Variants in SYT10 observed in about 807,000 individuals in gnomAD.
The protein encoded by SYT10 is synaptotagmin 10.
A neutral mutation model predicts 51.1 loss-of-function variants in SYT10; 31 were observed. That is an observed-to-expected ratio of 0.61 (90% CI 0.46 to 0.82). The LOEUF (loss-of-function observed/expected upper bound fraction) is 0.82, where lower values mean the gene tolerates loss of function less well. Ranked by LOEUF, SYT10 falls within the 40% of genes least tolerant of loss-of-function variation. The probability of loss-of-function intolerance (pLI) is 0.00; values close to 1 mark genes in which losing one functional copy is unlikely to be tolerated. For synonymous variants in SYT10, 233 were observed against 225.9 expected (o/e 1.03, Z -0.28); for missense variants, 603 against 634.0 (o/e 0.95, Z 0.53).
chr12:33,385,340 A>G (rs1469873912), intron 3 of SYT10, 49 bp from the exon 4 acceptor site: 1 of 1,599,944 alleles, frequency 6.3e-7, no homozygotes, highest in East Asian at 2.3e-5. Context: ...GAAGGGTGAA[A>G]ACCAAAAATA....
Position 33,375,873 on chromosome 12 carries a change from G to T in SYT10, c.*957C>A, listed in dbSNP as rs1258707087. The T allele has an allele frequency of 2.0e-5, 3 of 152,478 alleles. No homozygotes were observed. The highest frequency in any genetic ancestry group is 7.2e-5 in the African/African-American group (3 of 41,412). The allele number at this position is 152,478 out of a possible 1,614,324, so 9.4% of individuals were successfully genotyped here. A position where few individuals can be genotyped will look rare whatever the true frequency, so the allele number is the denominator to read the frequency against. ...GGTGATGAACACAGACAGTGTTGTT[G>T]TTCCTTTGGTGTCTGTTAGTATGGT... On this transcript the variant is annotated 3_prime_UTR_variant, in exon 7 of 7. Transcript: ENST00000228567.
chr12:33,439,332 C>CAGCGGAGCGCGAGGACGCG, intron 1 of SYT10, 40 bp downstream of exon 1: 1 of 1,590,144 alleles, frequency 6.3e-7, no homozygotes, highest in Non-Finnish European at 8.5e-7. Flanking sequence ...CGCGGGGTCC[C>CAGCGGAGCGCGAGGACGCG]AGCGGAGCGC....
chr12:33,385,394 T>C, intron 3 of SYT10, 103 bp from the exon 4 acceptor site: 1 of 1,469,164 alleles, frequency 6.8e-7, no homozygotes, highest in Non-Finnish European at 9.1e-7. Flanking sequence ...AATTGTTTTA[T>C]TGAGGATAAT....
At position 33,426,403 on chromosome 12, in the gene SYT10, GC is replaced by G; in HGVS notation, c.243del (p.Trp81CysfsTer9). On this transcript the variant is annotated frameshift_variant, in exon 2 of 7. Coordinates refer to ENST00000228567, the MANE Select transcript of SYT10 (RefSeq NM_198992.4). LOFTEE classifies it high-confidence loss of function. ...GTCACAGGTTTGCTTTTCCAGCATG[GC>G]CAACACAGCTTCCAGAAGACAAAAA... is the stretch of plus-strand genomic sequence containing the variant. ...VSLFVFWKLC[W>X]PCWKSKPVTS... 2 of 1,614,000 alleles carry G rather than the reference GC, an allele frequency of 1.2e-6. No homozygotes were observed. The highest frequency in any genetic ancestry group is 1.7e-6 in the Non-Finnish European group (2 of 1,179,976).
chr12:33,420,056 G>A lies in SYT10; in HGVS notation c.509+6082C>T, dbSNP rs575150935. Among the ~76,000 whole-genome samples the A allele has an allele frequency of 2.0e-3, 302 of 152,248 alleles. 1 individual carries two copies. Among genetic ancestry groups the A allele is most frequent in the African/African-American group, 6.8e-3 (282 of 41,564 alleles). On this transcript the variant is annotated intron_variant, in intron 2 of 6. Coordinates refer to ENST00000228567, the MANE Select transcript of SYT10 (RefSeq NM_198992.4). ...GACTCTCATGAGCTTACCTCCTGGT[G>A]AGCTCAGCTAGGTTTTGGAGAAAAA... is the stretch of plus-strand genomic sequence containing the variant.
chr12:33,379,997 C>G, intron 5 of SYT10, 36 bp from the exon 6 acceptor site: 1 of 1,563,064 alleles, frequency 6.4e-7, no homozygotes, highest in Non-Finnish European at 8.7e-7. Flanking sequence ...TCATTTCCAA[C>G]ATTCAAAGAT....
Position 33,407,035 on chromosome 12 carries a change from T to C in SYT10, c.831A>G (p.Pro277=), listed in dbSNP as rs765148812. 2.5e-6 allele frequency: 4 copies of C among 1,614,182 alleles called. No homozygotes were observed. The South Asian group carries it at 3.3e-5, about 13-fold the overall frequency. Reference sequence around the variant, plus strand: ...GGGTCTGAAATTTCTTTTTCCTATCTGGAAGAAGATACATCTTCACATAAG... The same window carrying C: ...GGGTCTGAAATTTCTTTTTCCTATCCGGAAGAAGATACATCTTCACATAAG... ...SDPYVKMYLL[P]DRKKKFQTRV... Residue 277 remains proline (P), a synonymous_variant, in exon 3 of 7, where the codon CCA becomes CCG. Coordinates refer to ENST00000228567, the MANE Select transcript of SYT10 (RefSeq NM_198992.4).
At chr12:33,404,439 G>A (rs567735271) in intron 3 of SYT10, among the ~76,000 whole-genome samples, 48 of 152,110 alleles carry the variant, frequency 3.2e-4, no homozygotes, top group African/African-American at 1.0e-3. Context: ...TGCCCAGGCT[G>A]GAGTGCAGTG....
At chr12:33,408,987 T>C (rs547613095) in intron 2 of SYT10, among the ~76,000 whole-genome samples, 2 of 152,194 alleles carry the variant, frequency 1.3e-5, no homozygotes, top group East Asian at 3.9e-4. Flanking sequence ...GGAGTCCAGA[T>C]CCTTATCTCC....
At chr12:33,386,932 A>G (rs1490964279) in intron 3 of SYT10, among the ~76,000 whole-genome samples, 9 of 152,208 alleles carry the variant, frequency 5.9e-5, no homozygotes. Context: ...ATAGATTTAT[A>G]TGTGGTCTTT....
rs1866046392 is a variant in SYT10 at position 33,374,534 on chromosome 12, T to A, written c.*2296A>T. The A allele has an allele frequency of 6.6e-6, 1 of 151,888 alleles. No individual in the cohort carries two copies. Among genetic ancestry groups the A allele is most frequent in the African/African-American group, 2.4e-5 (1 of 41,426 alleles). The allele number at this position is 151,888 out of a possible 1,614,324, so 9.4% of individuals were successfully genotyped here. A position where few individuals can be genotyped will look rare whatever the true frequency, so the allele number is the denominator to read the frequency against. ...AATTGTTAGGATTACATTTTAATAA[T>A]ATGAACTGTCATTTTTAACAATCAT... On this transcript the variant is annotated 3_prime_UTR_variant, in exon 7 of 7. Transcript: ENST00000228567.
At chr12:33,402,341 T>C (rs1460228104) in intron 3 of SYT10, among the ~76,000 whole-genome samples, 3 of 152,208 alleles carry the variant, frequency 2.0e-5, no homozygotes, top group Admixed American at 6.5e-5. Context: ...TTTATTTCCT[T>C]TTCCTCATGC....
intron 3 of SYT10, among the ~76,000 whole-genome samples, chr12:33,399,745 C>T (rs576087443): frequency 9.1e-4 from 138 of 152,252 alleles, no homozygotes; most frequent in African/African-American, 3.2e-3. Flanking sequence ...AAGGACTCTA[C>T]TATTTTTAAA....
chr12:33,422,160 T>TA (rs1866511188), intron 2 of SYT10, among the ~76,000 whole-genome samples: 4 of 151,966 alleles, frequency 2.6e-5, no homozygotes, highest in East Asian at 3.9e-4. Flanking sequence ...GAAAGCAGCA[T>TA]AGAACTCTAT....
Position 33,439,285 on chromosome 12 carries a change from G to A in SYT10, c.151+87C>T, listed in dbSNP as rs544924098. 8.1e-5 allele frequency: 120 copies of A among 1,482,062 alleles called. No homozygotes were observed. In the African/African-American group the frequency reaches 1.5e-3, roughly 19 times the overall value. The allele number at this position is 1,482,062 out of a possible 1,614,324, so 91.8% of individuals were successfully genotyped here. On this transcript the variant is annotated intron_variant, in intron 1 of 6. Transcript: ENST00000228567. ...GCCCCAAATATGCCGCGGGAGCGGCGCGGGAGGCGCAGAACCCCGGAGCTT... is the reference window on the plus strand; with the variant it reads ...GCCCCAAATATGCCGCGGGAGCGGCACGGGAGGCGCAGAACCCCGGAGCTT...
chr12:33,432,506 T>C (rs1317677622), intron 1 of SYT10: 2 of 152,078 alleles, frequency 1.3e-5, no homozygotes, highest in South Asian at 2.1e-4. Flanking sequence ...AAGCGCTCAA[T>C]AAATATTGCT....
rs1394739294 is a variant in SYT10 at position 33,407,268 on chromosome 12, C to T, written c.598G>A (p.Gly200Arg). 6.2e-7 allele frequency: 1 copy of T among 1,613,714 alleles called. No homozygotes were observed. Among genetic ancestry groups the T allele is most frequent in the Non-Finnish European group, 8.5e-7 (1 of 1,180,050 alleles). ...CTCCCAATGCTGGTTGTTGTTTCTCCTCGTTGTAAAACAGGTTCTGTGCCC... is the reference window on the plus strand; with the variant it reads ...CTCCCAATGCTGGTTGTTGTTTCTCTTCGTTGTAAAACAGGTTCTGTGCCC... ...SMGTEPVLQR[G>R]ETTTSIGRIK... is the part of the protein sequence containing the mutation. Residue 200 changes from glycine to arginine, a missense_variant, in exon 3 of 7, where the codon GGA becomes AGA. Transcript: ENST00000228567.
chr12:33,378,652 C>A (rs1866086067), intron 6 of SYT10, among the ~76,000 whole-genome samples: 1 of 152,098 alleles, frequency 6.6e-6, no homozygotes, highest in Non-Finnish European at 1.5e-5. Flanking sequence ...AAGAAAAGAT[C>A]AGAACCAGGA....
chr12:33,379,851 T>C lies in SYT10; in HGVS notation c.1481A>G (p.His494Arg). 1.2e-6 allele frequency: 2 copies of C among 1,613,778 alleles called. No individual in the cohort carries two copies. The highest frequency in any genetic ancestry group is 1.7e-6 in the Non-Finnish European group (2 of 1,179,886). ...MLAYHRKPIT[H>R]WHPLLELPGR... ...GCTTACCTCCAGCAATGGGTGCCAG[T>C]GCGTTATTGGTTTTCGATGATAGGC... Residue 494 changes from histidine to arginine, a missense_variant, in exon 6 of 7, where the codon CAC (histidine) becomes CGC (arginine). Transcript: ENST00000228567.
Sources: gnomAD v4.1 joint callset for allele counts (sites outside exome capture counted in the v4.1 genomes callset) on GRCh38, gnomAD v4.1.1 for gene constraint, MANE v1.5 for transcripts, NCBI Gene and HGNC (gene_info 2026-07-23, HGNC 2026-07-21) for gene names.